The following USP6NL variants were observed in gnomAD, a reference collection of about 807,000 sequenced individuals.
The protein encoded by USP6NL is USP6 N-terminal like.
In USP6NL, 26 loss-of-function variants were observed where a neutral mutation model predicts 61.9. The ratio of observed to expected loss-of-function variants is 0.42; its 90% CI spans 0.31 to 0.58. USP6NL has a LOEUF of 0.58. Ranked by LOEUF, USP6NL falls within the 20% of genes least tolerant of loss-of-function variation. The probability of loss-of-function intolerance (pLI) is 0.16; values close to 1 mark genes in which losing one functional copy is unlikely to be tolerated. For synonymous variants in USP6NL, 432 were observed against 390.1 expected (o/e 1.11, Z -1.27); for missense variants, 1,114 against 1,034.3 (o/e 1.08, Z -1.06).
At chr10:11,473,531 C>T (rs975333355) in intron 14 of USP6NL, among the ~76,000 whole-genome samples, 4 of 152,102 alleles carry the variant, frequency 2.6e-5, no homozygotes, top group African/African-American at 9.7e-5. Flanking sequence ...GGGGAATGGT[C>T]GGGAGCATTC....
rs976352941 is a variant in USP6NL at position 11,585,461 on chromosome 10, G to A, written c.4+12170C>T. Among the ~76,000 whole-genome samples, 8 of 152,140 alleles carry A rather than the reference G, an allele frequency of 5.3e-5. No individual in the cohort carries two copies. Among genetic ancestry groups the A allele is most frequent in the Non-Finnish European group, 7.3e-5 (5 of 68,032 alleles). ...TGGAAGCACGAGGTCAGGAGATTGA[G>A]ACCATCCTGGCTAACACAGTGAAAC... On this transcript the variant is annotated intron_variant, in intron 2 of 14. Coordinates refer to ENST00000609104, the MANE Select transcript of USP6NL (RefSeq NM_014688.5). This position sits in a 1 kb window ranked among gnomAD's most constrained non-coding sequence, Gnocchi z 4.5.
At chr10:11,576,378 A>C (rs545414337) in intron 2 of USP6NL, among the ~76,000 whole-genome samples, 2 of 151,188 alleles carry the variant, frequency 1.3e-5, no homozygotes, top group Non-Finnish European at 3.0e-5. Flanking sequence ...TGAATGTCTA[A>C]GTTCCCCCAA....
In USP6NL at chr10:11,482,379, T is replaced by C. The variant is rs1224053678; in HGVS notation, c.926-457A>G. Among the ~76,000 whole-genome samples, 3 of 152,236 alleles carry C rather than the reference T, an allele frequency of 2.0e-5. No individual in the cohort carries two copies. Among genetic ancestry groups the C allele is most frequent in the Non-Finnish European group, 4.4e-5 (3 of 68,040 alleles). ...GGATTATTAATTTTGTGAGTTTTAT[T>C]TCTATTTATGAAATTCATTTTCTTG... On this transcript the variant is annotated intron_variant, in intron 13 of 14. Coordinates refer to ENST00000609104, the MANE Select transcript of USP6NL (RefSeq NM_014688.5). The surrounding 1 kb of genome is among the most constrained non-coding windows in gnomAD (Gnocchi z 4.0).
chr10:11,592,432 T>C lies in USP6NL; in HGVS notation c.4+5199A>G, dbSNP rs1428150528. Among the ~76,000 whole-genome samples, 1 of 152,174 alleles carries C rather than the reference T, an allele frequency of 6.6e-6. No individual in the cohort carries two copies. The highest frequency in any genetic ancestry group is 1.9e-4 in the East Asian group (1 of 5,198). ...GTAACTGTCAGCCACAAAGTCTCCATACATTTCCAAATTCCTCTCCTCCAT... is the reference window on the plus strand; with the variant it reads ...GTAACTGTCAGCCACAAAGTCTCCACACATTTCCAAATTCCTCTCCTCCAT... On this transcript the variant is annotated intron_variant, in intron 2 of 14. Transcript: ENST00000609104. The surrounding 1 kb of genome is among the most constrained non-coding windows in gnomAD (Gnocchi z 4.7).
chr10:11,530,342 A>T (rs1835606023), intron 2 of USP6NL, among the ~76,000 whole-genome samples: 2 of 152,206 alleles, frequency 1.3e-5, no homozygotes, highest in African/African-American at 4.8e-5. Context: ...GTGTAAAGGC[A>T]AGGACTGGGG....
chr10:11,512,715 A>G (rs1433046486), intron 5 of USP6NL, among the ~76,000 whole-genome samples: 1 of 152,164 alleles, frequency 6.6e-6, no homozygotes, highest in Admixed American at 6.5e-5. Context: ...TCTGCCTGTC[A>G]TGTTTTCTCA....
intron 8 of USP6NL, among the ~76,000 whole-genome samples, chr10:11,492,581 G>A (rs987110980): frequency 1.3e-5 from 2 of 152,168 alleles, no homozygotes; most frequent in East Asian, 1.9e-4. Context: ...AATCAGCCCC[G>A]ACAGCTGGAG....
At position 11,534,795 on chromosome 10, in the gene USP6NL, C is replaced by T. The variant is rs138447567; in HGVS notation, c.5-7228G>A. ...ATAATACTTGAAACTGAAGTAAATGCTATTGACATTATTATGATTATGTAA... is the reference window on the plus strand; with the variant it reads ...ATAATACTTGAAACTGAAGTAAATGTTATTGACATTATTATGATTATGTAA... On this transcript the variant is annotated intron_variant, in intron 2 of 14. Transcript: ENST00000609104. Among the ~76,000 whole-genome samples the T allele has an allele frequency of 5.5e-3, 842 of 152,280 alleles. 5 individuals are homozygous for T. Among genetic ancestry groups the T allele is most frequent in the Middle Eastern group, 0.01 (3 of 294 alleles).
chr10:11,501,297 T>C (rs564135375), intron 6 of USP6NL, 89 bp from the exon 7 acceptor site: 123 of 1,050,420 alleles, frequency 1.2e-4, no homozygotes, highest in Admixed American at 7.5e-4. Context: ...TTTGTTAGCA[T>C]TGTATTTTCA....
Position 11,562,402 on chromosome 10 carries a change from C to T in USP6NL, c.5-34835G>A. On this transcript the variant is annotated intron_variant, in intron 2 of 14. Coordinates refer to ENST00000609104, the MANE Select transcript of USP6NL (RefSeq NM_014688.5). The surrounding 1 kb of genome is among the most constrained non-coding windows in gnomAD (Gnocchi z 4.8). ...CACCAACTTCAGATTTCCCCTTTTC[C>T]TTTTTCTTCTTGCTTGGCTCTTGGA... 1 of 985,400 alleles carries T rather than the reference C, an allele frequency of 1.0e-6. No homozygotes were observed. Among genetic ancestry groups the T allele is most frequent in the Non-Finnish European group, 1.2e-6 (1 of 829,936 alleles). The allele number at this position is 985,400 out of a possible 1,614,324, so 61.0% of individuals were successfully genotyped here. A position where few individuals can be genotyped will look rare whatever the true frequency, so the allele number is the denominator to read the frequency against.
chr10:11,535,941 C>T (rs189861567), intron 2 of USP6NL, among the ~76,000 whole-genome samples: 40 of 152,138 alleles, frequency 2.6e-4, no homozygotes, highest in Non-Finnish European at 4.6e-4. Context: ...GATAAAAATG[C>T]CATTATAATT....
chr10:11,599,088 G>A (rs1355727029), intron 1 of USP6NL, among the ~76,000 whole-genome samples: 1 of 152,174 alleles, frequency 6.6e-6, no homozygotes, highest in Non-Finnish European at 1.5e-5. Flanking sequence ...CATGATGAAA[G>A]TTTCTCACAA....
At chr10:11,492,381 GTTAACT>G (rs2133269000) in intron 8 of USP6NL, among the ~76,000 whole-genome samples, 1 of 152,330 alleles carries the variant, frequency 6.6e-6, no homozygotes, top group South Asian at 2.1e-4. Context: ...TCCATAATCT[GTTAACT>G]TTAAGTAGGA....
intron 4 of USP6NL, among the ~76,000 whole-genome samples, chr10:11,523,019 C>A (rs1835271051): frequency 6.6e-6 from 1 of 152,224 alleles, no homozygotes; most frequent in Non-Finnish European, 1.5e-5. Flanking sequence ...CCCCAAAGAG[C>A]TTTTCAGGGG....
intron 2 of USP6NL, among the ~76,000 whole-genome samples, chr10:11,583,967 T>C (rs767747965): frequency 6.6e-6 from 1 of 152,098 alleles, no homozygotes; most frequent in Non-Finnish European, 1.5e-5. Flanking sequence ...AGTCAGAGGT[T>C]GCAGTGAGGC....
chr10:11,468,677 C>G lies in USP6NL; in HGVS notation c.1079-4828G>C, dbSNP rs747210003. 7.2e-5 allele frequency among the ~76,000 whole-genome samples: 11 copies of G among 152,188 alleles called. No homozygotes were observed. Among genetic ancestry groups the G allele is most frequent in the Non-Finnish European group, 1.0e-4 (7 of 68,034 alleles). On this transcript the variant is annotated intron_variant, in intron 14 of 14. Transcript: ENST00000609104. This position sits in a 1 kb window ranked among gnomAD's most constrained non-coding sequence, Gnocchi z 4.5. ...GAGGTGTGGGAAAAATGCGGAACAC[C>G]TTTGAGGAAAATGTTGCCATGGCAT...
chr10:11,560,528 C>T (rs573282186), intron 2 of USP6NL, among the ~76,000 whole-genome samples: 32 of 151,776 alleles, frequency 2.1e-4, no homozygotes, highest in South Asian at 4.2e-4. Flanking sequence ...ATGCTACCCC[C>T]CTCCTTTCCT....
intron 1 of USP6NL, among the ~76,000 whole-genome samples, chr10:11,609,484 T>C (rs547236152): frequency 7.3e-4 from 111 of 152,294 alleles, no homozygotes; most frequent in African/African-American, 2.6e-3. Flanking sequence ...TACAGTGAAA[T>C]TGTGAACATA....
chr10:11,522,005 T>C lies in USP6NL; in HGVS notation c.155+3381A>G, dbSNP rs148481497. Among the ~76,000 whole-genome samples, 1,362 of 152,350 alleles carry C rather than the reference T, an allele frequency of 8.9e-3. 13 individuals carry two copies. The highest frequency in any genetic ancestry group is 0.031 in the African/African-American group (1,271 of 41,580). The stretch of plus-strand genomic sequence containing the variant: ...TCCTTAAACAAGCTCTGTTTCTCTA[T>C]TCTCCAGCTTTAACTCCATCATGGC... On this transcript the variant is annotated intron_variant, in intron 4 of 14. Transcript: ENST00000609104.
Sources: allele counts gnomAD v4.1 joint callset (sites outside exome capture counted in the v4.1 genomes callset), GRCh38; gene constraint gnomAD v4.1.1; non-coding constraint Gnocchi (gnomAD v3.1); transcripts MANE v1.5; gene names NCBI Gene and HGNC (gene_info 2026-07-23, HGNC 2026-07-21).